PTPRD: variants seen among roughly 807,000 people sequenced by gnomAD.
PTPRD encodes protein tyrosine phosphatase receptor type D, also known as receptor-type tyrosine-protein phosphatase delta.
PTPRD carries 34 observed loss-of-function variants against 214.5 expected under a neutral mutation model. The observed-to-expected ratio is 0.16, with a 90% confidence interval of 0.12 to 0.21. The LOEUF (loss-of-function observed/expected upper bound fraction) is 0.21, where lower values mean the gene tolerates loss of function less well. Among genes scored for constraint, PTPRD ranks in the 10% least tolerant of loss-of-function variants. The probability of loss-of-function intolerance (pLI) is 1.00; values close to 1 mark genes in which losing one functional copy is unlikely to be tolerated. For missense variants in PTPRD, 2,545 were observed against 2,398.7 expected (o/e 1.06, Z -1.27); for synonymous variants, 1,128 against 845.7 (o/e 1.33, Z -5.79).
At chr9:9,533,567 T>C (rs2075936558) in intron 8 of PTPRD, among the ~76,000 whole-genome samples, 1 of 152,138 alleles carries the variant, frequency 6.6e-6, no homozygotes, top group African/African-American at 2.4e-5. Flanking sequence ...CAGAGCTGTG[T>C]TTCCCTTGAA....
At chr9:9,487,322 G>GT in intron 8 of PTPRD, among the ~76,000 whole-genome samples, 1 of 144,826 alleles carries the variant, frequency 6.9e-6, no homozygotes, top group Middle Eastern at 3.6e-3. Flanking sequence ...TTAGTTTTTT[G>GT]TCCTTGCGAT....
intron 3 of PTPRD, among the ~76,000 whole-genome samples, chr9:10,233,823 T>C (rs2099620305): frequency 6.6e-6 from 1 of 151,980 alleles, no homozygotes; most frequent in African/African-American, 2.4e-5. Context: ...AAGAAGACCA[T>C]GATTTGAATC....
chr9:8,891,685 C>G (rs375773428), intron 11 of PTPRD, among the ~76,000 whole-genome samples: 7 of 152,098 alleles, frequency 4.6e-5, no homozygotes, highest in Non-Finnish European at 1.0e-4. Context: ...TACTCATACA[C>G]CTGACATGGC....
At chr9:8,545,246 T>C (rs1487627255) in intron 14 of PTPRD, among the ~76,000 whole-genome samples, 1 of 152,198 alleles carries the variant, frequency 6.6e-6, no homozygotes, top group African/African-American at 2.4e-5. Flanking sequence ...CATACTTATA[T>C]TTTGTCCTTG....
At position 9,757,179 on chromosome 9, in the gene PTPRD, AAAGAGT is replaced by A. The variant is rs1243312338; in HGVS notation, c.-326+9625_-326+9630del. On this transcript the variant is annotated intron_variant, in intron 6 of 45. Coordinates refer to ENST00000381196, the MANE Select transcript of PTPRD (RefSeq NM_002839.4). ...ATTCCTTAGCAGTTGTTCATAATATAAAGAGTAAAAGTGCAAAGGATACTAATCAAT... is the reference window on the plus strand; with the variant it reads ...ATTCCTTAGCAGTTGTTCATAATATAAAAAGTGCAAAGGATACTAATCAAT... Among the ~76,000 whole-genome samples, 3 of 152,202 alleles carry A rather than the reference AAAGAGT, an allele frequency of 2.0e-5. No individual in the cohort carries two copies. The East Asian group carries it at 5.8e-4, about 29-fold the overall frequency.
chr9:8,451,075 G>A (rs1015284804), intron 33 of PTPRD, among the ~76,000 whole-genome samples: 2 of 152,300 alleles, frequency 1.3e-5, no homozygotes, highest in Middle Eastern at 3.4e-3. Context: ...TAGCCAGAGG[G>A]CTCCTGTTAA....
intron 11 of PTPRD, among the ~76,000 whole-genome samples, chr9:8,872,793 G>A (rs1432187251): frequency 6.6e-6 from 1 of 152,164 alleles, no homozygotes; most frequent in Non-Finnish European, 1.5e-5. Flanking sequence ...ACAGGAGGCG[G>A]CATTTGCCAG....
At chr9:8,488,665 T>C (rs1461067969) in intron 27 of PTPRD, among the ~76,000 whole-genome samples, 1 of 152,228 alleles carries the variant, frequency 6.6e-6, no homozygotes, top group African/African-American at 2.4e-5. Context: ...TACAATTATC[T>C]TAATTTTAAA....
intron 8 of PTPRD, among the ~76,000 whole-genome samples, chr9:9,478,417 T>C (rs1330059538): frequency 1.3e-5 from 2 of 152,236 alleles, no homozygotes; most frequent in African/African-American, 2.4e-5. Context: ...TTATCACTTA[T>C]TGAGCCCATT....
At chr9:8,603,681 T>C (rs1170248727) in intron 14 of PTPRD, among the ~76,000 whole-genome samples, 5 of 152,294 alleles carry the variant, frequency 3.3e-5, no homozygotes, top group Admixed American at 1.3e-4. Context: ...TTGTTACTTA[T>C]AAGGGAAGTT....
At chr9:8,374,546 A>C (rs2082650729) in intron 39 of PTPRD, among the ~76,000 whole-genome samples, 1 of 152,022 alleles carries the variant, frequency 6.6e-6, no homozygotes, top group African/African-American at 2.4e-5. Flanking sequence ...GGAAACAAGA[A>C]TCTAGATAAG....
rs35601829 is a variant in PTPRD at position 8,405,565 on chromosome 9, A to G, written c.4087-905T>C. On this transcript the variant is annotated intron_variant, in intron 35 of 45. Transcript: ENST00000381196. ...TGATCATAAAACTCTAGGGGACTTCATTTCCTGAAACGTTATGGAAATCAA... is the reference window on the plus strand; with the variant it reads ...TGATCATAAAACTCTAGGGGACTTCGTTTCCTGAAACGTTATGGAAATCAA... 9.9e-3 allele frequency among the ~76,000 whole-genome samples: 1,507 copies of G among 152,176 alleles called. 15 individuals carry two copies. The highest frequency in any genetic ancestry group is 0.041 in the Middle Eastern group (12 of 294).
chr9:8,557,501 C>T (rs10977199), intron 14 of PTPRD, among the ~76,000 whole-genome samples: 7,114 of 145,174 alleles, frequency 0.049, 682 homozygotes, highest in African/African-American at 0.18. Flanking sequence ...CCAGCACTTT[C>T]GGAGGCCAAT....
At chr9:10,327,163 ATG>A (rs199852539) in intron 3 of PTPRD, among the ~76,000 whole-genome samples, 1 of 90,646 alleles carries the variant, frequency 1.1e-5, no homozygotes, top group Non-Finnish European at 2.1e-5. Context: ...GTGCACATAT[ATG>A]TGTGTGTATA....
chr9:8,489,857 C>T (rs1488654724), intron 27 of PTPRD, among the ~76,000 whole-genome samples: 4 of 152,178 alleles, frequency 2.6e-5, no homozygotes, highest in African/African-American at 2.4e-5. Context: ...CAAACATTTA[C>T]CAACAATTCA....
intron 2 of PTPRD, among the ~76,000 whole-genome samples, chr9:10,556,170 AAAAC>A (rs1227151842): frequency 6.6e-6 from 1 of 152,140 alleles, no homozygotes; most frequent in Non-Finnish European, 1.5e-5. Flanking sequence ...TTTTGTAGTA[AAAAC>A]AAACAAAAAA....
At chr9:10,242,565 T>C (rs903348437) in intron 3 of PTPRD, among the ~76,000 whole-genome samples, 1 of 151,472 alleles carries the variant, frequency 6.6e-6, no homozygotes, top group Non-Finnish European at 1.5e-5. Flanking sequence ...AGGGATAGAG[T>C]GATATGTTGC....
chr9:10,472,687 AT>A (rs199595074), intron 2 of PTPRD, among the ~76,000 whole-genome samples: 3 of 151,538 alleles, frequency 2.0e-5, no homozygotes, highest in Non-Finnish European at 2.9e-5. Flanking sequence ...TCAGAAACAG[AT>A]TTTTTTTTCT....
At chr9:10,043,190 T>C (rs12340270) in intron 3 of PTPRD, among the ~76,000 whole-genome samples, 1,561 of 152,060 alleles carry the variant, frequency 0.01, 12 homozygotes, top group Non-Finnish European at 0.014. Context: ...AATGTGATAT[T>C]GCCTCTCTGA....
Sources: allele counts gnomAD v4.1 joint callset (sites outside exome capture counted in the v4.1 genomes callset), GRCh38; gene constraint gnomAD v4.1.1; transcripts MANE v1.5; gene names NCBI Gene and HGNC (gene_info 2026-07-23, HGNC 2026-07-21).